Variants in ZNF79 observed in about 807,000 individuals in gnomAD.
ZNF79 encodes the protein ZNFpT7.
In ZNF79, 13 loss-of-function variants were observed where a neutral mutation model predicts 14.9. That is an observed-to-expected ratio of 0.87 (90% CI 0.57 to 1.38). The LOEUF is 1.38. Among genes scored for constraint, ZNF79 ranks in the 40% most tolerant of loss-of-function variants. The pLI is 0.00. For synonymous variants in ZNF79, 223 were observed against 235.1 expected (o/e 0.95, Z 0.47); for missense variants, 631 against 630.6 (o/e 1.00, Z -0.01).
rs1833717611 is a variant in ZNF79, at chr9:127,424,703, C to G, written c.-85C>G. ...CCGGCCTGGGAGCCGTCAGAGCAGC[C>G]CTGCAGAACGGGGTGGGGGCTGCTG... On this transcript the variant is annotated 5_prime_UTR_variant, in exon 1 of 5. Transcript: ENST00000342483. The G allele has an allele frequency of 6.2e-7, 1 of 1,602,318 alleles. No individual in the cohort carries two copies. Among genetic ancestry groups the G allele is most frequent in the South Asian group, 1.1e-5 (1 of 90,068 alleles).
Position 127,445,191 on chromosome 9 carries a change from A to AG in ZNF79, c.1492dup (p.Glu498GlyfsTer25). On this transcript the variant is annotated frameshift_variant, in exon 5 of 5. Transcript: ENST00000342483. LOFTEE classifies it high-confidence loss of function. ...TTAGACATCAGAGACTCCACGCCGG[A>AG]GAGTAACTAGGAACATGGTAGAAGT... The AG allele has an allele frequency of 6.2e-7, 1 of 1,613,758 alleles. No individual in the cohort carries two copies.
intron 2 of ZNF79, among the ~76,000 whole-genome samples, chr9:127,432,510 T>C (rs1833879345): frequency 6.8e-6 from 1 of 147,976 alleles, no homozygotes. Flanking sequence ...CTTGTTTACG[T>C]TGAAAGTTTT....
At position 127,444,246 on chromosome 9, in the gene ZNF79, G is replaced by A. The variant is rs377514897; in HGVS notation, c.546G>A (p.Ser182=). 2.3e-5 allele frequency: 37 copies of A among 1,613,846 alleles called. No homozygotes were observed. Among genetic ancestry groups the A allele is most frequent in the East Asian group, 4.5e-5 (2 of 44,888 alleles). ...CETHTESFKN[S]EILKPHRAKP... The stretch of plus-strand genomic sequence containing the variant: ...CACACACCGAGAGCTTCAAGAACTC[G>A]GAAATCCTGAAACCTCACAGAGCAA... The change falls in exon 5 of 5, where the codon TCG becomes TCA. Residue 182 remains serine (S), a synonymous_variant. Coordinates refer to ENST00000342483, the MANE Select transcript of ZNF79 (RefSeq NM_007135.3).
At chr9:127,437,883 A>G (rs529647824) in intron 4 of ZNF79, among the ~76,000 whole-genome samples, 1 of 152,134 alleles carries the variant, frequency 6.6e-6, no homozygotes, top group East Asian at 1.9e-4. Flanking sequence ...GCACAGACAC[A>G]TTCTGTATTT....
chr9:127,425,070 C>T (rs953098118), intron 1 of ZNF79, among the ~76,000 whole-genome samples: 3 of 152,162 alleles, frequency 2.0e-5, no homozygotes, highest in Non-Finnish European at 4.4e-5. Context: ...GTACCACGTA[C>T]CCCAGTCTGC....
chr9:127,444,348 T>G lies in ZNF79; in HGVS notation c.648T>G (p.Thr216=), dbSNP rs756876693. The G allele has an allele frequency of 6.2e-7, 1 of 1,613,910 alleles. No individual in the cohort carries two copies. Among genetic ancestry groups the G allele is most frequent in the South Asian group, 1.1e-5 (1 of 91,074 alleles). The change falls in exon 5 of 5, where the codon ACT becomes ACG. Residue 216 remains threonine (T), a synonymous_variant. Coordinates refer to ENST00000342483, the MANE Select transcript of ZNF79 (RefSeq NM_007135.3). The part of the protein sequence containing the change: ...SSLSQHQKSH[T]GEKPYECSEC... ...TTTCTCAGCATCAGAAGAGCCACAC[T>G]GGAGAGAAGCCCTATGAGTGCAGTG...
At position 127,445,298 on chromosome 9, in the gene ZNF79, A is replaced by G; in HGVS notation, c.*101A>G. 1.5e-6 allele frequency: 2 copies of G among 1,324,204 alleles called. No individual in the cohort carries two copies. Among genetic ancestry groups the G allele is most frequent in the Non-Finnish European group, 2.1e-6 (2 of 965,368 alleles). 82.0% of individuals were successfully genotyped at this position (1,324,204 alleles called of 1,614,324 possible). On this transcript the variant is annotated 3_prime_UTR_variant, in exon 5 of 5. Transcript: ENST00000342483. ...TAAAGGCTTGAAAGCATCTGAAGAC[A>G]TCTAACTTAGAGTCTGCAGCCCAGA...
At chr9:127,424,862 G>A in intron 1 of ZNF79, 59 bp downstream of exon 1, 1 of 1,610,294 alleles carries the variant, frequency 6.2e-7, no homozygotes. Flanking sequence ...GTTTGCCCAC[G>A]ACTGCCGCTG....
At chr9:127,428,795 T>C in intron 1 of ZNF79, 37 bp from the exon 2 acceptor site, 1 of 1,500,362 alleles carries the variant, frequency 6.7e-7, no homozygotes. Flanking sequence ...CTTCATAAAC[T>C]GCTTTTAACA....
rs770892949 is a variant in ZNF79 at position 127,445,000 on chromosome 9, C to T, written c.1300C>T (p.Arg434Trp). 15 of 1,614,148 alleles carry T rather than the reference C, an allele frequency of 9.3e-6. No homozygotes were observed. The highest frequency in any genetic ancestry group is 6.6e-5 in the South Asian group (6 of 91,068). Residue 434 changes from arginine (R) to tryptophan (W), a missense_variant, in exon 5 of 5, where the codon CGG (arginine) becomes TGG (tryptophan). Physicochemically the swap from Arg to Trp is moderately radical, Grantham distance 101. Transcript: ENST00000342483. ...CTTCAGTGAGAGCTCAGCCCTCATT[C>T]GGCATCATATAATCCACACCGGAGA... Reference protein sequence around the residue: ...KFFSESSALIRHHIIHTGEKP... With the variant: ...KFFSESSALIWHHIIHTGEKP...
chr9:127,445,312 C>A lies in ZNF79; in HGVS notation c.*115C>A. ...CATCTGAAGACATCTAACTTAGAGT[C>A]TGCAGCCCAGAGCCACATGCAAAAC... On this transcript the variant is annotated 3_prime_UTR_variant, in exon 5 of 5. Transcript: ENST00000342483. 1.7e-6 allele frequency: 2 copies of A among 1,173,496 alleles called. No homozygotes were observed. Among genetic ancestry groups the A allele is most frequent in the Non-Finnish European group, 2.4e-6 (2 of 837,844 alleles). 72.7% of individuals were successfully genotyped at this position (1,173,496 alleles called of 1,614,324 possible). A position where few individuals can be genotyped will look rare whatever the true frequency, so the allele number is the denominator to read the frequency against.
chr9:127,432,186 C>T (rs1431468956), intron 2 of ZNF79, among the ~76,000 whole-genome samples: 11 of 139,130 alleles, frequency 7.9e-5, no homozygotes, highest in African/African-American at 2.9e-4. Context: ...GTCTGACTGT[C>T]GCCCAGGCTG....
intron 2 of ZNF79, among the ~76,000 whole-genome samples, chr9:127,433,308 A>G (rs1022882968): frequency 6.6e-6 from 1 of 152,240 alleles, no homozygotes; most frequent in African/African-American, 2.4e-5. Flanking sequence ...GCTGCGGGAA[A>G]GGAGAGGATA....
intron 4 of ZNF79, among the ~76,000 whole-genome samples, chr9:127,441,195 G>C (rs978719294): frequency 6.6e-6 from 1 of 152,100 alleles, no homozygotes; most frequent in East Asian, 1.9e-4. Context: ...TGGGGCCTCT[G>C]TGCTCTTGGT....
At chr9:127,436,795 G>A (rs1833955030) in intron 4 of ZNF79, among the ~76,000 whole-genome samples, 1 of 152,088 alleles carries the variant, frequency 6.6e-6, no homozygotes, top group Admixed American at 6.6e-5. Flanking sequence ...AGTGGCTCAC[G>A]CCTGTAATCC....
chr9:127,435,352 G>A (rs1833929252), intron 3 of ZNF79, 136 bp downstream of exon 3: 1 of 1,092,152 alleles, frequency 9.2e-7, no homozygotes, highest in Non-Finnish European at 1.3e-6. Context: ...TTCTCTTGGG[G>A]AAGGTCTCTG....
intron 4 of ZNF79, among the ~76,000 whole-genome samples, chr9:127,436,534 G>T (rs1374196182): frequency 6.6e-6 from 1 of 152,152 alleles, no homozygotes; most frequent in Non-Finnish European, 1.5e-5. Context: ...GAAACTCAGG[G>T]AAAACAGAAG....
rs778460204 is a variant in ZNF79, at chr9:127,444,586, CAG to C, written c.890_891del (p.Arg297AsnfsTer121). The C allele has an allele frequency of 2.0e-5, 32 of 1,614,156 alleles. No homozygotes were observed. In the South Asian group the frequency reaches 3.2e-4, roughly 16 times the overall value. ...FSDCSALVQH[Q>X]RIHTGEKPYE... is the part of the protein sequence containing the mutation. ...TGACTGCTCAGCTCTTGTTCAGCAT[CAG>C]AGAATTCATACCGGAGAGAAGCCCT... On this transcript the variant is annotated frameshift_variant, in exon 5 of 5. Transcript: ENST00000342483. LOFTEE classifies it low-confidence loss of function (END_TRUNC).
At chr9:127,442,497 T>G (rs2265686) in intron 4 of ZNF79, among the ~76,000 whole-genome samples, 88,250 of 151,894 alleles carry the variant, frequency 0.58, 26,002 homozygotes, top group Middle Eastern at 0.62. Context: ...TGAGTGGAGC[T>G]TGCAGGACTC....
Sources: gnomAD v4.1 joint callset for allele counts (sites outside exome capture counted in the v4.1 genomes callset) on GRCh38, gnomAD v4.1.1 for gene constraint, MANE v1.5 for transcripts, NCBI Gene and HGNC (gene_info 2026-07-23, HGNC 2026-07-21) for gene names.